Variants in PTPRG observed in about 807,000 individuals in gnomAD.
PTPRG encodes protein tyrosine phosphatase receptor type G, also known as receptor-type tyrosine-protein phosphatase gamma.
In PTPRG, 102 loss-of-function variants were observed where a neutral mutation model predicts 165.3. The ratio of observed to expected loss-of-function variants is 0.62; its 90% CI spans 0.53 to 0.73. PTPRG has a LOEUF of 0.73. Among genes scored for constraint, PTPRG ranks in the 30% least tolerant of loss-of-function variants. The pLI, the probability that PTPRG is intolerant of heterozygous loss-of-function variation, is 0.00. For missense variants in PTPRG, 1,866 were observed against 1,861.4 expected (o/e 1.00, Z -0.05); for synonymous variants, 675 against 669.5 (o/e 1.01, Z -0.13).
intron 5 of PTPRG, among the ~76,000 whole-genome samples, chr3:62,099,891 C>T (rs1228033939): frequency 6.7e-6 from 1 of 150,230 alleles, no homozygotes; most frequent in Non-Finnish European, 1.5e-5. Flanking sequence ...CTCCGCCTCC[C>T]AGGTTCAAGC....
chr3:61,711,796 A>G (rs1176828753), intron 1 of PTPRG, among the ~76,000 whole-genome samples: 3 of 152,158 alleles, frequency 2.0e-5, no homozygotes, highest in African/African-American at 4.8e-5. Context: ...TGGCTACCAC[A>G]TGAATTTACA....
intron 1 of PTPRG, among the ~76,000 whole-genome samples, chr3:61,675,054 A>G (rs1241771444): frequency 1.3e-5 from 2 of 152,218 alleles, no homozygotes; most frequent in African/African-American, 4.8e-5. Context: ...TTACCCTACC[A>G]CAGATGTCTG....
chr3:61,966,913 G>A (rs186196089), intron 2 of PTPRG, among the ~76,000 whole-genome samples: 3 of 152,298 alleles, frequency 2.0e-5, no homozygotes, highest in East Asian at 1.9e-4. Context: ...CACTTTGGCC[G>A]AAGTTTTCTC....
At chr3:62,152,840 C>A (rs1704385724) in intron 6 of PTPRG, among the ~76,000 whole-genome samples, 1 of 152,204 alleles carries the variant, frequency 6.6e-6, no homozygotes, top group Admixed American at 6.5e-5. Context: ...TCCTTTCCCA[C>A]TTCCCACCCC....
chr3:62,242,865 A>G (rs1257471929), intron 14 of PTPRG, among the ~76,000 whole-genome samples: 1 of 152,116 alleles, frequency 6.6e-6, no homozygotes, highest in Non-Finnish European at 1.5e-5. Flanking sequence ...ACGCCAGAGG[A>G]GGACAGATCC....
chr3:61,893,947 G>T (rs1385347690), intron 2 of PTPRG, among the ~76,000 whole-genome samples: 2 of 152,124 alleles, frequency 1.3e-5, no homozygotes, highest in Non-Finnish European at 2.9e-5. Flanking sequence ...TGTTACCTGA[G>T]AGTATTTGGG....
At position 61,996,134 on chromosome 3, in the gene PTPRG, T is replaced by A. The variant is rs550983227; in HGVS notation, c.370+6330T>A. ...TTAAAAAATGTTTTTATTTGTTGTA[T>A]CTGTGGAGTAGATTTTGATATTGAC... is the stretch of plus-strand genomic sequence containing the variant. On this transcript the variant is annotated intron_variant, in intron 3 of 29. Coordinates refer to ENST00000474889, the MANE Select transcript of PTPRG (RefSeq NM_002841.4). Among the ~76,000 whole-genome samples the A allele has an allele frequency of 5.9e-5, 9 of 152,290 alleles. 1 individual carries two copies. In the South Asian group the frequency reaches 1.9e-3, roughly 32 times the overall value.
intron 5 of PTPRG, among the ~76,000 whole-genome samples, chr3:62,098,723 T>G (rs1410465983): frequency 1.3e-5 from 2 of 152,226 alleles, no homozygotes; most frequent in Non-Finnish European, 2.9e-5. Flanking sequence ...TCTTAGGTTT[T>G]ATGAGTGGAC....
intron 23 of PTPRG, among the ~76,000 whole-genome samples, chr3:62,275,667 T>A (rs879803255): frequency 3.9e-5 from 6 of 152,082 alleles, no homozygotes; most frequent in Non-Finnish European, 8.8e-5. Flanking sequence ...GAGGCTGAGG[T>A]GGGAGGATCA....
At chr3:62,189,501 C>G (rs1342620378) in intron 8 of PTPRG, among the ~76,000 whole-genome samples, 1 of 152,208 alleles carries the variant, frequency 6.6e-6, no homozygotes, top group African/African-American at 2.4e-5. Flanking sequence ...TGGCCTGTCT[C>G]TGCCAGCACG....
At position 62,128,381 on chromosome 3, in the gene PTPRG, A is replaced by G. The variant is rs184487862; in HGVS notation, c.616-4221A>G. ...CATGTGGCTTTAAAAGGAACAGCAT[A>G]TTACAAAATTGAGTGGATGTCAAGT... On this transcript the variant is annotated intron_variant, in intron 5 of 29. Transcript: ENST00000474889. Among the ~76,000 whole-genome samples, 658 of 152,300 alleles carry G rather than the reference A, an allele frequency of 4.3e-3. 9 individuals are homozygous for G. Among genetic ancestry groups the G allele is most frequent in the Admixed American group, 0.019 (293 of 15,298 alleles).
At chr3:62,099,860 G>A (rs1032548641) in intron 5 of PTPRG, among the ~76,000 whole-genome samples, 3 of 142,802 alleles carry the variant, frequency 2.1e-5, no homozygotes, top group African/African-American at 2.6e-5. Flanking sequence ...GTGCAGTGGC[G>A]CGATCTTGGC....
chr3:61,653,495 T>C (rs748135274), intron 1 of PTPRG, among the ~76,000 whole-genome samples: 2 of 152,108 alleles, frequency 1.3e-5, no homozygotes, highest in Non-Finnish European at 2.9e-5. Flanking sequence ...ATAATGCTTT[T>C]AGTCCTCACG....
intron 1 of PTPRG, among the ~76,000 whole-genome samples, chr3:61,714,985 G>C (rs2031741388): frequency 6.6e-6 from 1 of 152,126 alleles, no homozygotes; most frequent in African/African-American, 2.4e-5. Context: ...GAGTAACTCA[G>C]TTGAAGTGTT....
At chr3:61,756,248 A>G (rs1004884053) in intron 2 of PTPRG, among the ~76,000 whole-genome samples, 3 of 152,226 alleles carry the variant, frequency 2.0e-5, no homozygotes, top group African/African-American at 7.2e-5. Flanking sequence ...GTCTGTAATT[A>G]GTCATTGTAT....
chr3:62,212,748 G>A (rs552146340), intron 12 of PTPRG, among the ~76,000 whole-genome samples: 3 of 152,312 alleles, frequency 2.0e-5, no homozygotes, highest in Non-Finnish European at 2.9e-5. Context: ...TGTGTGCCAC[G>A]TGGGAATTCA....
chr3:61,616,787 C>CT (rs1167893945), intron 1 of PTPRG, among the ~76,000 whole-genome samples: 10 of 152,178 alleles, frequency 6.6e-5, no homozygotes, highest in African/African-American at 2.4e-4. Flanking sequence ...TAATACGCAA[C>CT]TTTATGTGGC....
chr3:61,564,441 G>C (rs554827971), intron 1 of PTPRG, among the ~76,000 whole-genome samples: 1 of 152,170 alleles, frequency 6.6e-6, no homozygotes, highest in Non-Finnish European at 1.5e-5. Flanking sequence ...GACTGCCAGG[G>C]AACCAGCCTT....
intron 2 of PTPRG, among the ~76,000 whole-genome samples, chr3:61,932,326 T>C (rs184152245): frequency 1.3e-5 from 2 of 152,350 alleles, no homozygotes; most frequent in East Asian, 3.9e-4. Flanking sequence ...CAACAGACCA[T>C]AAAATTCCAT....
Sources: gnomAD v4.1 joint callset for allele counts (sites outside exome capture counted in the v4.1 genomes callset) on GRCh38, gnomAD v4.1.1 for gene constraint, MANE v1.5 for transcripts, NCBI Gene and HGNC (gene_info 2026-07-23, HGNC 2026-07-21) for gene names.